SEMA3F: variants seen among roughly 807,000 people sequenced by gnomAD.
SEMA3F encodes the protein semaphorin-3F.
SEMA3F carries 30 observed loss-of-function variants against 98.5 expected under a neutral mutation model. The ratio of observed to expected loss-of-function variants is 0.30; its 90% CI spans 0.23 to 0.41. SEMA3F has a LOEUF of 0.41. SEMA3F is among the 10% of genes least tolerant of loss of function. SEMA3F has a pLI of 1.00. For missense variants in SEMA3F, 866 were observed against 1,119.3 expected (o/e 0.77, Z 3.23); for synonymous variants, 380 against 444.8 (o/e 0.85, Z 1.83).
chr3:50,161,857 G>T (rs1417708144), intron 2 of SEMA3F, among the ~76,000 whole-genome samples: 3 of 152,222 alleles, frequency 2.0e-5, no homozygotes, highest in Non-Finnish European at 2.9e-5. Context: ...GTCTCAGCCT[G>T]GTTATGCACA....
chr3:50,166,473 C>G lies in SEMA3F; in HGVS notation c.112+6739C>G, dbSNP rs1292760548. On this transcript the variant is annotated intron_variant, in intron 2 of 18. Transcript: ENST00000002829. This position sits in a 1 kb window ranked among gnomAD's most constrained non-coding sequence, Gnocchi z 4.7. ...TTCCTGGCTGGGCCTGGGGCCTGTGCGGAGTGCTCACTGCCTGCCCTTGAC... is the reference window on the plus strand; with the variant it reads ...TTCCTGGCTGGGCCTGGGGCCTGTGGGGAGTGCTCACTGCCTGCCCTTGAC... Among the ~76,000 whole-genome samples the G allele has an allele frequency of 6.6e-6, 1 of 152,264 alleles. No individual in the cohort carries two copies. Among genetic ancestry groups the G allele is most frequent in the South Asian group, 2.1e-4 (1 of 4,830 alleles).
Position 50,155,585 on chromosome 3 carries a change from G to C in SEMA3F, c.-49+21G>C, listed in dbSNP as rs1575365337. On this transcript the variant is annotated intron_variant, in intron 1 of 18. Coordinates refer to ENST00000002829, the MANE Select transcript of SEMA3F (RefSeq NM_004186.5). This position sits in a 1 kb window ranked among gnomAD's most constrained non-coding sequence, Gnocchi z 4.9. ...AAGAGGTGAGTGCAGCGGGAACCGG[G>C]AGGGAGCGGGCAGGCGGCCGGGCCA... The C allele has an allele frequency of 3.3e-6, 1 of 299,496 alleles. No individual in the cohort carries two copies. Among genetic ancestry groups the C allele is most frequent in the African/African-American group, 2.2e-5 (1 of 45,260 alleles). The allele number at this position is 299,496 out of a possible 1,614,324, so 18.6% of individuals were successfully genotyped here.
At chr3:50,171,344 G>C (rs1698594035) in intron 2 of SEMA3F, among the ~76,000 whole-genome samples, 1 of 152,168 alleles carries the variant, frequency 6.6e-6, no homozygotes, top group East Asian at 1.9e-4. Context: ...TCGGGCTCTG[G>C]GAGTCTTGGT....
At chr3:50,184,078 T>G (rs2109117956) in intron 12 of SEMA3F, among the ~76,000 whole-genome samples, 2 of 151,910 alleles carry the variant, frequency 1.3e-5, no homozygotes, top group Non-Finnish European at 2.9e-5. Context: ...CTGGTCTCAG[T>G]GGGGGACAGG....
chr3:50,183,316 G>C lies in SEMA3F; in HGVS notation c.1088+61G>C, dbSNP rs535535681. 3.7e-6 allele frequency: 6 copies of C among 1,605,852 alleles called. No homozygotes were observed. The East Asian group carries it at 8.9e-5, about 24-fold the overall frequency. On this transcript the variant is annotated intron_variant, in intron 11 of 18. Transcript: ENST00000002829. ...TGGCCCCGTTGGGGGATTGTAACTC[G>C]TGGAGAACCCCAGCCCGGTGGCGAG...
intron 7 of SEMA3F, among the ~76,000 whole-genome samples, chr3:50,179,328 CTTT>C (rs112950022): frequency 2.9e-5 from 4 of 137,540 alleles, no homozygotes; most frequent in Admixed American, 7.3e-5. Flanking sequence ...TTCTTTCTTT[CTTT>C]TTTTTTTTTT....
At chr3:50,183,632 T>C in intron 12 of SEMA3F, 68 bp downstream of exon 12, 1 of 1,542,628 alleles carries the variant, frequency 6.5e-7, no homozygotes, top group Non-Finnish European at 8.9e-7. Flanking sequence ...TCAGGCTCTT[T>C]GCAACATGGG....
At position 50,158,556 on chromosome 3, in the gene SEMA3F, G is replaced by A. The variant is rs1368071491; in HGVS notation, c.-48-1019G>A. Among the ~76,000 whole-genome samples the A allele has an allele frequency of 1.3e-5, 2 of 152,230 alleles. No individual in the cohort carries two copies. Among genetic ancestry groups the A allele is most frequent in the African/African-American group, 4.8e-5 (2 of 41,466 alleles). On this transcript the variant is annotated intron_variant, in intron 1 of 18. Coordinates refer to ENST00000002829, the MANE Select transcript of SEMA3F (RefSeq NM_004186.5). The surrounding 1 kb of genome is among the most constrained non-coding windows in gnomAD (Gnocchi z 4.8). ...TGCCAACTCCCATCCCAGCATCCTA[G>A]AGATGGGCCTGGGGTCCTGCCTGCC...
intron 2 of SEMA3F, among the ~76,000 whole-genome samples, chr3:50,161,997 G>T (rs959883987): frequency 6.6e-6 from 1 of 152,204 alleles, no homozygotes; most frequent in Non-Finnish European, 1.5e-5. Flanking sequence ...CACAGAGAAG[G>T]TTACTCTCAG....
At position 50,181,026 on chromosome 3, in the gene SEMA3F, C is replaced by A. The variant is rs565005488; in HGVS notation, c.644-1258C>A. Among the ~76,000 whole-genome samples, 3 of 149,418 alleles carry A rather than the reference C, an allele frequency of 2.0e-5. No homozygotes were observed. The East Asian group carries it at 5.9e-4, about 29-fold the overall frequency. On this transcript the variant is annotated intron_variant, in intron 7 of 18. Transcript: ENST00000002829. ...AGGTTGTAGTGAGCTGAGATGGTGCCACTGCACTCTAGCCTGGGTGACAGA... is the reference window on the plus strand; with the variant it reads ...AGGTTGTAGTGAGCTGAGATGGTGCAACTGCACTCTAGCCTGGGTGACAGA...
rs1297503093 is a variant in SEMA3F at position 50,156,420 on chromosome 3, C to G, written c.-49+856C>G. On this transcript the variant is annotated intron_variant, in intron 1 of 18. Coordinates refer to ENST00000002829, the MANE Select transcript of SEMA3F (RefSeq NM_004186.5). The surrounding 1 kb of genome is among the most constrained non-coding windows in gnomAD (Gnocchi z 4.5). ...TTTTGAGATAGCTGTGTTTTGCCACCAGAACATTACTGCTTGGGAGAGGTA... is the reference window on the plus strand; with the variant it reads ...TTTTGAGATAGCTGTGTTTTGCCACGAGAACATTACTGCTTGGGAGAGGTA... Among the ~76,000 whole-genome samples the G allele has an allele frequency of 6.6e-6, 1 of 152,190 alleles. No individual in the cohort carries two copies. Among genetic ancestry groups the G allele is most frequent in the African/African-American group, 2.4e-5 (1 of 41,438 alleles).
At chr3:50,168,519 G>C (rs1481644483) in intron 2 of SEMA3F, among the ~76,000 whole-genome samples, 1 of 152,136 alleles carries the variant, frequency 6.6e-6, no homozygotes, top group African/African-American at 2.4e-5. Flanking sequence ...CAAGCAGGAG[G>C]AAGGTACGTA....
chr3:50,170,572 A>C (rs558426783), intron 2 of SEMA3F, among the ~76,000 whole-genome samples: 1 of 152,254 alleles, frequency 6.6e-6, no homozygotes, highest in Non-Finnish European at 1.5e-5. Context: ...CCAGGCCGTG[A>C]GCCTCTCTCT....
chr3:50,169,476 A>T (rs1252759837), intron 2 of SEMA3F, among the ~76,000 whole-genome samples: 2 of 152,134 alleles, frequency 1.3e-5, no homozygotes, highest in Admixed American at 6.5e-5. Context: ...CTTCCCGATG[A>T]TGGGAAAATC....
At chr3:50,186,544 C>T (rs11717349) in intron 17 of SEMA3F, 69 bp from the exon 18 acceptor site, 820,989 of 1,543,400 alleles carry the variant, frequency 0.53, 226,655 homozygotes, top group South Asian at 0.74. Context: ...CCCTCGGTGC[C>T]TGCCCCGAAG....
intron 2 of SEMA3F, among the ~76,000 whole-genome samples, chr3:50,160,664 C>G (rs1032787386): frequency 3.3e-5 from 5 of 152,200 alleles, no homozygotes; most frequent in Admixed American, 6.5e-5. Flanking sequence ...AGCCGCCTGC[C>G]CTGGGTGGGG....
At position 50,185,988 on chromosome 3, in the gene SEMA3F, G is replaced by C; in HGVS notation, c.1687G>C (p.Asp563His). 1 of 1,614,106 alleles carries C rather than the reference G, an allele frequency of 6.2e-7. No homozygotes were observed. Among genetic ancestry groups the C allele is most frequent in the Non-Finnish European group, 8.5e-7 (1 of 1,179,992 alleles). ...AACADCCLAR[D>H]PYCAWDGQAC... ...CTGTGCTGACTGCTGCCTTGCCCGG[G>C]ACCCTTACTGTGCCTGGGATGGCCA... The change falls in exon 16 of 19, where the codon GAC (aspartate) becomes CAC (histidine). Residue 563 changes from aspartate (D) to histidine (H), a missense_variant. Transcript: ENST00000002829.
intron 4 of SEMA3F, 44 bp downstream of exon 4, chr3:50,174,158 G>C (rs766219204): frequency 1.9e-5 from 30 of 1,613,892 alleles, no homozygotes; most frequent in Non-Finnish European, 2.5e-5. Flanking sequence ...GAATCCACAG[G>C]TGGGAAGGTA....
intron 12 of SEMA3F, among the ~76,000 whole-genome samples, chr3:50,183,905 T>C (rs1157168763): frequency 6.6e-6 from 1 of 151,906 alleles, no homozygotes; most frequent in Non-Finnish European, 1.5e-5. Flanking sequence ...GGCAAAGAGC[T>C]GGGGAGGGGC....
Sources: allele counts gnomAD v4.1 joint callset (sites outside exome capture counted in the v4.1 genomes callset), GRCh38; gene constraint gnomAD v4.1.1; non-coding constraint Gnocchi (gnomAD v3.1); transcripts MANE v1.5; gene names NCBI Gene and HGNC (gene_info 2026-07-23, HGNC 2026-07-21).